The following SLC16A7 variants were observed in gnomAD, a reference collection of about 807,000 sequenced individuals.
SLC16A7 encodes solute carrier family 16 member 7, also known as monocarboxylate transporter 2.
A neutral mutation model predicts 34.9 loss-of-function variants in SLC16A7; 33 were observed. The ratio of observed to expected loss-of-function variants is 0.94; its 90% CI spans 0.72 to 1.26. The LOEUF (loss-of-function observed/expected upper bound fraction) is 1.26. Among genes scored for constraint, SLC16A7 ranks in the 50% most tolerant of loss-of-function variants. The probability of loss-of-function intolerance (pLI) is 0.00; values close to 1 mark genes in which losing one functional copy is unlikely to be tolerated. For synonymous variants in SLC16A7, 201 were observed against 206.6 expected, an observed-to-expected ratio of 0.97 and a Z score of 0.23; for missense variants, 573 against 578.1, an observed-to-expected ratio of 0.99 and a Z score of 0.09.
At chr12:59,738,391 G>C (rs1043119391) in intron 3 of SLC16A7, among the ~76,000 whole-genome samples, 1 of 152,118 alleles carries the variant, frequency 6.6e-6, no homozygotes, top group Non-Finnish European at 1.5e-5. Context: ...ATCTAAACTT[G>C]TTTCCATATC....
At chr12:59,732,369 G>A (rs1040126420) in intron 3 of SLC16A7, among the ~76,000 whole-genome samples, 1 of 152,110 alleles carries the variant, frequency 6.6e-6, no homozygotes, top group Non-Finnish European at 1.5e-5. Flanking sequence ...GAAGTGAGCC[G>A]AGATCGCGCC....
chr12:59,614,116 T>G (rs1421630714), intron 1 of SLC16A7, among the ~76,000 whole-genome samples: 1 of 151,286 alleles, frequency 6.6e-6, no homozygotes, highest in East Asian at 2.0e-4. Flanking sequence ...AGTGGTGCGA[T>G]CTCGACTCAC....
chr12:59,641,553 G>A (rs985571325), intron 1 of SLC16A7, among the ~76,000 whole-genome samples: 3 of 138,780 alleles, frequency 2.2e-5, no homozygotes, highest in Non-Finnish European at 4.6e-5. Flanking sequence ...TAGTTTCTAG[G>A]GCTATTTTTT....
rs941330536 is a variant in SLC16A7 at position 59,783,571 on chromosome 12, G to GT, written c.*3893dup. On this transcript the variant is annotated 3_prime_UTR_variant, in exon 6 of 6. Transcript: ENST00000547379. ...TATAGTAAAACAATTAGGTTTAACT[G>GT]TAACTTGTATTATGATTTATTTAGT... 6.6e-6 allele frequency: 1 copy of GT among 151,830 alleles called. No homozygotes were observed. Among genetic ancestry groups the GT allele is most frequent in the Non-Finnish European group, 1.5e-5 (1 of 67,968 alleles). The allele number at this position is 151,830 out of a possible 1,614,324, so 9.4% of individuals were successfully genotyped here. A position where few individuals can be genotyped will look rare whatever the true frequency, so the allele number is the denominator to read the frequency against.
At chr12:59,773,388 G>A (rs1038789454) in intron 4 of SLC16A7, among the ~76,000 whole-genome samples, 2 of 152,000 alleles carry the variant, frequency 1.3e-5, no homozygotes, top group African/African-American at 4.8e-5. Flanking sequence ...TTTGTACACA[G>A]ACCTGTGTAT....
chr12:59,717,407 A>G (rs1381225303), intron 3 of SLC16A7, among the ~76,000 whole-genome samples: 1 of 152,192 alleles, frequency 6.6e-6, no homozygotes, highest in Non-Finnish European at 1.5e-5. Context: ...TTAGTTTGGC[A>G]CTTGCAGATA....
At chr12:59,671,829 ATATATGTATATATGTGTATATATATGTG>A (rs535813270) in intron 2 of SLC16A7, among the ~76,000 whole-genome samples, 97 of 135,390 alleles carry the variant, frequency 7.2e-4, no homozygotes, top group African/African-American at 1.3e-3. Context: ...GTGTATATGT[ATATATGTATATATGTGTATATATATGTG>A]TATATGTATA....
chr12:59,671,869 ATG>A lies in SLC16A7; in HGVS notation c.-31+16623_-31+16624del, dbSNP rs1351605443. Reference sequence around the variant, plus strand: ...TGTATATATATGTGTATATGTATATATGTGTATATATGTATATATGTACATAT... The same window carrying A: ...TGTATATATATGTGTATATGTATATATGTATATATGTATATATGTACATAT... On this transcript the variant is annotated intron_variant, in intron 2 of 5. Coordinates refer to ENST00000547379, the MANE Select transcript of SLC16A7 (RefSeq NM_001270623.2). Among the ~76,000 whole-genome samples, 87 of 113,438 alleles carry A rather than the reference ATG, an allele frequency of 7.7e-4. 9 individuals are homozygous for A. Among genetic ancestry groups the A allele is most frequent in the African/African-American group, 1.7e-3 (53 of 30,658 alleles). 74.4% of individuals were successfully genotyped at this position (113,438 alleles called of 152,430 possible).
chr12:59,756,588 A>G (rs1172734708), intron 3 of SLC16A7, among the ~76,000 whole-genome samples: 1 of 151,830 alleles, frequency 6.6e-6, no homozygotes, highest in African/African-American at 2.4e-5. Flanking sequence ...AATGGCTATC[A>G]TTAAAAGTCA....
At chr12:59,623,130 T>C (rs887934558) in intron 1 of SLC16A7, among the ~76,000 whole-genome samples, 2 of 151,134 alleles carry the variant, frequency 1.3e-5, no homozygotes, top group Non-Finnish European at 3.0e-5. Flanking sequence ...GGACTTTTTA[T>C]TCTGTTCCTT....
chr12:59,708,470 T>C (rs1873840955), intron 3 of SLC16A7, among the ~76,000 whole-genome samples: 1 of 152,184 alleles, frequency 6.6e-6, no homozygotes, highest in South Asian at 2.1e-4. Context: ...ATGTGAAATA[T>C]ATTTATAGGA....
At position 59,700,999 on chromosome 12, in the gene SLC16A7, G is replaced by A. The variant is rs553145004; in HGVS notation, c.-30-3773G>A. On this transcript the variant is annotated intron_variant, in intron 2 of 5. Transcript: ENST00000547379. ...TCGACGCTCAAGATGAGATCGTCAT[G>A]CAAAGTTCACTTTAAGATTTGGCTT... Among the ~76,000 whole-genome samples, 20 of 151,676 alleles carry A rather than the reference G, an allele frequency of 1.3e-4. 1 individual carries two copies. The highest frequency in any genetic ancestry group is 6.8e-3 in the Middle Eastern group (2 of 292).
intron 2 of SLC16A7, among the ~76,000 whole-genome samples, chr12:59,695,391 T>C (rs1020679432): frequency 1.3e-5 from 2 of 152,024 alleles, no homozygotes; most frequent in African/African-American, 4.8e-5. Context: ...AGCCTCCTGG[T>C]AGGACCAGAG....
intron 2 of SLC16A7, among the ~76,000 whole-genome samples, chr12:59,678,968 A>G (rs372955589): frequency 2.0e-5 from 3 of 152,308 alleles, no homozygotes; most frequent in Admixed American, 6.5e-5. Context: ...ACACACACCC[A>G]GCTGGGTTGC....
At chr12:59,678,311 G>A (rs1423914668) in intron 2 of SLC16A7, among the ~76,000 whole-genome samples, 1 of 152,202 alleles carries the variant, frequency 6.6e-6, no homozygotes, top group Non-Finnish European at 1.5e-5. Flanking sequence ...CAGGAAGAAT[G>A]AGGTATGTGG....
intron 1 of SLC16A7, among the ~76,000 whole-genome samples, chr12:59,603,258 A>G (rs944728651): frequency 6.6e-6 from 1 of 152,082 alleles, no homozygotes; most frequent in Non-Finnish European, 1.5e-5. Flanking sequence ...GGTATCAGAT[A>G]CTCTCATGGA....
intron 2 of SLC16A7, among the ~76,000 whole-genome samples, chr12:59,668,578 G>T (rs983450232): frequency 1.3e-5 from 2 of 152,126 alleles, no homozygotes; most frequent in African/African-American, 4.8e-5. Flanking sequence ...GAACTAACTT[G>T]CTTTTGATTT....
intron 1 of SLC16A7, among the ~76,000 whole-genome samples, chr12:59,614,184 G>A (rs952789893): frequency 6.6e-6 from 1 of 151,706 alleles, no homozygotes; most frequent in South Asian, 2.1e-4. Context: ...CTGAGTAACT[G>A]TGGCTACATG....
rs1206792490 is a variant in SLC16A7 at position 59,596,482 on chromosome 12, C to G, written c.-130+246C>G. Among the ~76,000 whole-genome samples the G allele has an allele frequency of 6.8e-5, 6 of 87,738 alleles. No homozygotes were observed. The highest frequency in any genetic ancestry group is 2.6e-4 in the African/African-American group (5 of 19,458). The allele number at this position is 87,738 out of a possible 152,430, so 57.6% of individuals were successfully genotyped here. A position where few individuals can be genotyped will look rare whatever the true frequency, so the allele number is the denominator to read the frequency against. On this transcript the variant is annotated intron_variant, in intron 1 of 5. Transcript: ENST00000547379. The surrounding 1 kb of genome is among the most constrained non-coding windows in gnomAD (Gnocchi z 5.0). Reference sequence around the variant, plus strand: ...CAGCCAGTGCGCGCCGACAGCTGCCCGGGAACTGAGGGGGCGCGCGGGGTC... The same window carrying G: ...CAGCCAGTGCGCGCCGACAGCTGCCGGGGAACTGAGGGGGCGCGCGGGGTC...
Sources: allele counts gnomAD v4.1 joint callset (sites outside exome capture counted in the v4.1 genomes callset), GRCh38; gene constraint gnomAD v4.1.1; non-coding constraint Gnocchi (gnomAD v3.1); transcripts MANE v1.5; gene names NCBI Gene and HGNC (gene_info 2026-07-23, HGNC 2026-07-21).